The following MAN1A2 variants were observed in gnomAD, a reference collection of about 807,000 sequenced individuals.
MAN1A2 encodes mannosyl-oligosaccharide 1,2-alpha-mannosidase IB.
In MAN1A2, 26 loss-of-function variants were observed where a neutral mutation model predicts 75.7. That is an observed-to-expected ratio of 0.34 (90% confidence interval 0.25 to 0.48). The LOEUF (loss-of-function observed/expected upper bound fraction) is 0.48, where lower values mean the gene tolerates loss of function less well. Ranked by LOEUF, MAN1A2 falls within the 20% of genes least tolerant of loss-of-function variation. MAN1A2 has a pLI of 0.99. For missense variants in MAN1A2, 562 were observed against 775.5 expected, an observed-to-expected ratio of 0.72 and a Z score of 3.27; for synonymous variants, 247 against 264.6, an observed-to-expected ratio of 0.93 and a Z score of 0.65.
intron 12 of MAN1A2, among the ~76,000 whole-genome samples, chr1:117,516,263 A>G (rs1934250): frequency 0.12 from 18,845 of 152,142 alleles, 1,227 homozygotes; most frequent in Non-Finnish European, 0.14. Flanking sequence ...AAAGTAACTG[A>G]TTATTTTAAA....
At chr1:117,452,860 GC>G (rs139471233) in intron 6 of MAN1A2, among the ~76,000 whole-genome samples, 17,143 of 152,204 alleles carry the variant, frequency 0.11, 1,057 homozygotes, top group Non-Finnish European at 0.14. Flanking sequence ...GGAAGAAGAT[GC>G]CATCTCATAG....
At chr1:117,440,614 A>C (rs529801732) in intron 5 of MAN1A2, among the ~76,000 whole-genome samples, 2 of 152,104 alleles carry the variant, frequency 1.3e-5, no homozygotes, top group Non-Finnish European at 2.9e-5. Flanking sequence ...CCTGTCTACT[A>C]TAACTGTTTA....
At chr1:117,497,979 T>C (rs188481139) in intron 10 of MAN1A2, among the ~76,000 whole-genome samples, 33 of 151,960 alleles carry the variant, frequency 2.2e-4, no homozygotes, top group African/African-American at 4.6e-4. Context: ...TTTATGCTAG[T>C]TCATAAATCT....
intron 8 of MAN1A2, among the ~76,000 whole-genome samples, chr1:117,479,117 C>T (rs565561223): frequency 5.9e-5 from 9 of 151,776 alleles, no homozygotes; most frequent in African/African-American, 2.2e-4. Flanking sequence ...TGTTGTTCCC[C>T]CATGTATCCA....
At chr1:117,376,099 A>T (rs1653129449) in intron 1 of MAN1A2, among the ~76,000 whole-genome samples, 1 of 151,740 alleles carries the variant, frequency 6.6e-6, no homozygotes, top group African/African-American at 2.4e-5. Context: ...TTTTGTAGAG[A>T]CGGGGTTTCA....
At chr1:117,507,248 C>T (rs1188357842) in intron 12 of MAN1A2, among the ~76,000 whole-genome samples, 2 of 151,512 alleles carry the variant, frequency 1.3e-5, no homozygotes, top group Non-Finnish European at 3.0e-5. Context: ...TCTCAGCTTC[C>T]ACAGGGAGAG....
chr1:117,429,381 G>C (rs1193522316), intron 5 of MAN1A2, among the ~76,000 whole-genome samples: 1 of 137,366 alleles, frequency 7.3e-6, no homozygotes, highest in Non-Finnish European at 1.6e-5. Flanking sequence ...AGGGGCGGCC[G>C]GGCAGAGGCG....
intron 4 of MAN1A2, among the ~76,000 whole-genome samples, chr1:117,415,370 C>A (rs1319809088): frequency 6.6e-6 from 1 of 152,130 alleles, no homozygotes; most frequent in African/African-American, 2.4e-5. Context: ...ATATTCACAT[C>A]TTTTGTGATA....
At position 117,526,886 on chromosome 1, in the gene MAN1A2, A is replaced by ATATATATAT. The variant is rs1652043164; in HGVS notation, c.*3930_*3938dup. ...TCTCTCTCTCTCTCTCTCTCTATAT[A>ATATATATAT]TATATATATATATATATATATATGA... On this transcript the variant is annotated 3_prime_UTR_variant, in exon 13 of 13. Transcript: ENST00000356554. 2 of 93,310 alleles carry ATATATATAT rather than the reference A, an allele frequency of 2.1e-5. No homozygotes were observed. Among genetic ancestry groups the ATATATATAT allele is most frequent in the South Asian group, 3.3e-4 (1 of 3,056 alleles). The allele number at this position is 93,310 out of a possible 1,614,324, so 5.8% of individuals were successfully genotyped here.
At chr1:117,435,623 AT>A (rs1221281259) in intron 5 of MAN1A2, among the ~76,000 whole-genome samples, 1 of 152,228 alleles carries the variant, frequency 6.6e-6, no homozygotes, top group Non-Finnish European at 1.5e-5. Context: ...ACTTAATTGT[AT>A]GTTATGTATA....
chr1:117,385,376 C>A (rs1557928576), intron 1 of MAN1A2, among the ~76,000 whole-genome samples: 1 of 152,188 alleles, frequency 6.6e-6, no homozygotes, highest in Non-Finnish European at 1.5e-5. Flanking sequence ...AGTTCCAGGT[C>A]TCTTCCTAGA....
intron 12 of MAN1A2, among the ~76,000 whole-genome samples, chr1:117,507,663 T>C (rs999770312): frequency 6.6e-6 from 1 of 151,682 alleles, no homozygotes; most frequent in Non-Finnish European, 1.5e-5. Flanking sequence ...TACTAATAAA[T>C]ACAAGTCAGC....
intron 8 of MAN1A2, among the ~76,000 whole-genome samples, chr1:117,484,530 CTGCAATA>C (rs1184396290): frequency 2.0e-5 from 3 of 151,940 alleles, no homozygotes; most frequent in African/African-American, 7.2e-5. Context: ...TCGCTTTTTA[CTGCAATA>C]TGCAATTTAC....
intron 6 of MAN1A2, among the ~76,000 whole-genome samples, chr1:117,458,330 T>G (rs1315189729): frequency 1.3e-5 from 2 of 151,568 alleles, no homozygotes; most frequent in African/African-American, 4.8e-5. Context: ...GGTATTTGCC[T>G]TCCATATTTT....
Position 117,460,505 on chromosome 1 carries a change from TG to T in MAN1A2, c.971del (p.Gly324AlafsTer26). 6.2e-7 allele frequency: 1 copy of T among 1,612,326 alleles called. No individual in the cohort carries two copies. Among genetic ancestry groups the T allele is most frequent in the Non-Finnish European group, 8.5e-7 (1 of 1,179,196 alleles). On this transcript the variant is annotated frameshift_variant, in exon 7 of 13. Transcript: ENST00000356554. LOFTEE classifies it high-confidence loss of function. ...TTCATTCAGTGGAGTAGGGCGAAAC[TG>T]GGGCTGGGCATCTGCAGGTAGCAGC... The part of the protein sequence containing the change: ...VNLKSGVGRN[W>X]GWASAGSSIL...
intron 12 of MAN1A2, among the ~76,000 whole-genome samples, chr1:117,512,675 C>T (rs1215166235): frequency 6.6e-6 from 1 of 151,206 alleles, no homozygotes; most frequent in African/African-American, 2.4e-5. Flanking sequence ...ACTGGAAGAC[C>T]AGAACCGTGG....
intron 1 of MAN1A2, among the ~76,000 whole-genome samples, chr1:117,401,808 CTTATT>C (rs1470633597): frequency 6.6e-6 from 1 of 152,078 alleles, no homozygotes; most frequent in East Asian, 1.9e-4. Flanking sequence ...ATCTTTTCCT[CTTATT>C]TTTTTCTTTG....
At chr1:117,458,523 A>ATGTTTTTTTTTTTTTT (rs1553236643) in intron 6 of MAN1A2, among the ~76,000 whole-genome samples, 1 of 105,610 alleles carries the variant, frequency 9.5e-6, no homozygotes, top group Non-Finnish European at 2.0e-5. Context: ...ATATATATAT[A>ATGTTTTTTTTTTTTTT]TTTTTTTTTT....
chr1:117,501,329 G>T (rs1247284982), intron 11 of MAN1A2, among the ~76,000 whole-genome samples: 1 of 151,778 alleles, frequency 6.6e-6, no homozygotes, highest in Non-Finnish European at 1.5e-5. Flanking sequence ...TGAGAAGAGG[G>T]AGGAATGGAG....
Sources: gnomAD v4.1 joint callset for allele counts (sites outside exome capture counted in the v4.1 genomes callset) on GRCh38, gnomAD v4.1.1 for gene constraint, MANE v1.5 for transcripts, NCBI Gene and HGNC (gene_info 2026-07-23, HGNC 2026-07-21) for gene names.